The following NFIB variants were observed in gnomAD, a reference collection of about 807,000 sequenced individuals.
NFIB encodes the protein nuclear factor I B.
Under a neutral mutation model 61.5 loss-of-function variants are expected in NFIB, and 11 were observed. That is an observed-to-expected ratio of 0.18 (90% confidence interval 0.11 to 0.30). The LOEUF is 0.30. NFIB is among the 10% of genes least tolerant of loss of function. NFIB has a pLI of 1.00. For synonymous variants in NFIB, 260 were observed against 216.5 expected (o/e 1.20, Z -1.76); for missense variants, 471 against 608.9 (o/e 0.77, Z 2.38).
At chr9:14,244,446 A>G (rs932249257) in intron 2 of NFIB, among the ~76,000 whole-genome samples, 1 of 152,180 alleles carries the variant, frequency 6.6e-6, no homozygotes, top group African/African-American at 2.4e-5. Context: ...AAACTTACCC[A>G]CATACTTTCT....
chr9:14,290,934 C>T (rs551691316), intron 2 of NFIB, among the ~76,000 whole-genome samples: 3 of 152,182 alleles, frequency 2.0e-5, no homozygotes, highest in African/African-American at 7.2e-5. Context: ...GTTTCCTGTA[C>T]TTGCATTGTA....
At chr9:14,291,867 G>A (rs1159180107) in intron 2 of NFIB, among the ~76,000 whole-genome samples, 1 of 151,358 alleles carries the variant, frequency 6.6e-6, no homozygotes, top group East Asian at 1.9e-4. Context: ...TGGAAAATTG[G>A]CCATATATTT....
At chr9:14,257,848 T>C (rs140399185) in intron 2 of NFIB, among the ~76,000 whole-genome samples, 412 of 152,314 alleles carry the variant, frequency 2.7e-3, no homozygotes, top group Non-Finnish European at 4.2e-3. Context: ...AATTTATTAA[T>C]ATAAGTAGGC....
chr9:14,378,894 T>G (rs1028829161), intron 1 of NFIB, among the ~76,000 whole-genome samples: 2 of 152,150 alleles, frequency 1.3e-5, no homozygotes, highest in African/African-American at 4.8e-5. Context: ...TACTTCTGAT[T>G]TGATTTGACC....
chr9:14,427,218 AT>A, the NFIB span, among the ~76,000 whole-genome samples: 1 of 152,216 alleles, frequency 6.6e-6, no homozygotes, highest in East Asian at 1.9e-4. Context: ...TACATTGTTC[AT>A]TCTTATACTC....
At chr9:14,378,346 C>A (rs900240157) in intron 1 of NFIB, among the ~76,000 whole-genome samples, 1 of 152,002 alleles carries the variant, frequency 6.6e-6, no homozygotes, top group Admixed American at 6.6e-5. Context: ...CTACTTTATT[C>A]TTTTCTTTCT....
the NFIB span, among the ~76,000 whole-genome samples, chr9:14,453,802 G>A: frequency 2.1e-4 from 32 of 152,216 alleles, no homozygotes; most frequent in Non-Finnish European, 4.6e-4. Context: ...TACAATATAG[G>A]CTGGGCACGG....
chr9:14,501,038 T>C, the NFIB span, among the ~76,000 whole-genome samples: 1 of 152,212 alleles, frequency 6.6e-6, no homozygotes, highest in Non-Finnish European at 1.5e-5. Flanking sequence ...TTAGACCCAC[T>C]CTGAGCACAA....
intron 2 of NFIB, among the ~76,000 whole-genome samples, chr9:14,248,817 C>T (rs1453012108): frequency 1.3e-5 from 2 of 152,186 alleles, no homozygotes; most frequent in East Asian, 3.9e-4. Context: ...TTTTCCTCCC[C>T]ACTGGGTTTG....
chr9:14,449,042 G>T, the NFIB span, among the ~76,000 whole-genome samples: 1 of 152,122 alleles, frequency 6.6e-6, no homozygotes, highest in Non-Finnish European at 1.5e-5. Context: ...AAGATTGAAG[G>T]TTACCATGAA....
chr9:14,468,517 C>T, the NFIB span, among the ~76,000 whole-genome samples: 1 of 152,144 alleles, frequency 6.6e-6, no homozygotes, highest in African/African-American at 2.4e-5. Flanking sequence ...TTCCATTTGG[C>T]TTGGAGGCTT....
chr9:14,296,219 G>C (rs2059435621), intron 2 of NFIB, among the ~76,000 whole-genome samples: 1 of 152,098 alleles, frequency 6.6e-6, no homozygotes. Context: ...TTCATATATA[G>C]TAGTAATTGC....
intron 1 of NFIB, among the ~76,000 whole-genome samples, chr9:14,370,018 C>A (rs1043484877): frequency 1.3e-5 from 2 of 152,234 alleles, no homozygotes; most frequent in African/African-American, 2.4e-5. Flanking sequence ...GGCAGCTTTT[C>A]CTGTCACTCA....
intron 1 of NFIB, among the ~76,000 whole-genome samples, chr9:14,330,487 G>A (rs555739184): frequency 7.2e-5 from 11 of 152,170 alleles, no homozygotes; most frequent in African/African-American, 1.9e-4. Flanking sequence ...GTTTTTAACC[G>A]TGTTTTAATA....
chr9:14,264,584 A>C (rs1219103494), intron 2 of NFIB, among the ~76,000 whole-genome samples: 1 of 152,190 alleles, frequency 6.6e-6, no homozygotes, highest in Non-Finnish European at 1.5e-5. Context: ...GATTACCCAG[A>C]TTACAGTAAG....
At chr9:14,375,983 G>C (rs1337061256) in intron 1 of NFIB, among the ~76,000 whole-genome samples, 1 of 152,236 alleles carries the variant, frequency 6.6e-6, no homozygotes, top group Non-Finnish European at 1.5e-5. Flanking sequence ...CATTATCTCA[G>C]AGTACATGGC....
the NFIB span, among the ~76,000 whole-genome samples, chr9:14,463,813 A>G: frequency 6.6e-6 from 1 of 151,850 alleles, no homozygotes; most frequent in African/African-American, 2.4e-5. Context: ...GGCGCCCGCC[A>G]CCAAGCCCGG....
At chr9:14,245,165 C>T (rs1221047382) in intron 2 of NFIB, among the ~76,000 whole-genome samples, 1 of 152,178 alleles carries the variant, frequency 6.6e-6, no homozygotes, top group Non-Finnish European at 1.5e-5. Context: ...AAGAAAAAAA[C>T]TGAACAACTC....
chr9:14,098,105 T>G (rs1023714052), intron 10 of NFIB, among the ~76,000 whole-genome samples: 1 of 152,200 alleles, frequency 6.6e-6, no homozygotes, highest in Admixed American at 6.5e-5. Context: ...GTCTCTTTGG[T>G]GCCATTCAAT....
Sources: gnomAD v4.1 joint callset for allele counts (sites outside exome capture counted in the v4.1 genomes callset) on GRCh38, gnomAD v4.1.1 for gene constraint, MANE v1.5 for transcripts, NCBI Gene and HGNC (gene_info 2026-07-23, HGNC 2026-07-21) for gene names.